GATA2: variants seen among roughly 807,000 people sequenced by gnomAD.
GATA2 encodes GATA binding protein 2.
Under a neutral mutation model 35.7 loss-of-function variants are expected in GATA2, and 6 were observed. That is an observed-to-expected ratio of 0.17 (90% CI 0.09 to 0.33). GATA2 has a LOEUF of 0.33. Among genes scored for constraint, GATA2 ranks in the 10% least tolerant of loss-of-function variants. GATA2 has a pLI of 1.00. For synonymous variants in GATA2, 313 were observed against 274.9 expected (o/e 1.14, Z -1.37); for missense variants, 541 against 656.6 (o/e 0.82, Z 1.92).
intron 1 of GATA2, chr3:128,489,836 G>C (rs893165377): frequency 6.6e-6 from 1 of 152,244 alleles, no homozygotes; most frequent in Non-Finnish European, 1.5e-5. Context: ...AGCCTATTTG[G>C]CGTCTCCGGA....
intron 5 of GATA2, 51 bp from the exon 6 acceptor site, chr3:128,481,369 TTCCTCCCACCCC>T: frequency 6.3e-7 from 1 of 1,582,116 alleles, no homozygotes. Context: ...TCCAGCAACA[TTCCTCCCACCCC>T]GCCACAGCGT....
chr3:128,485,384 C>T (rs190981302), intron 3 of GATA2, among the ~76,000 whole-genome samples: 3 of 152,130 alleles, frequency 2.0e-5, no homozygotes, highest in Non-Finnish European at 4.4e-5. Flanking sequence ...TCACTTCCCT[C>T]GCTTCACATA....
In GATA2 at chr3:128,481,132, G is replaced by A. The variant is rs745601795; in HGVS notation, c.1330C>T (p.Pro444Ser). ...ATGTGTCCGGAGTGGCTGAAGGGCG[G>A]GAGGTGGCCCACAGGTGCCATGTGT... is the stretch of plus-strand genomic sequence containing the variant. ...AGHMAPVGHL[P>S]PFSHSGHILP... Residue 444 changes from proline (P) to serine (S), a missense_variant, in exon 6 of 6, where the codon CCG becomes TCG. Pro to Ser is a moderately conservative substitution (Grantham distance 74). This residue lies in a region of GATA2 where 95 missense variants were observed against 114.0 expected (regional missense o/e 0.83). Transcript: ENST00000341105. 6.2e-7 allele frequency: 1 copy of A among 1,614,250 alleles called. No individual in the cohort carries two copies. The highest frequency in any genetic ancestry group is 1.1e-5 in the South Asian group (1 of 91,086).
rs1553771065 is a variant in GATA2, at chr3:128,486,343, G to A, written c.255C>T (p.Cys85=). 6.2e-7 allele frequency: 1 copy of A among 1,601,878 alleles called. No individual in the cohort carries two copies. Among genetic ancestry groups the A allele is most frequent in the Non-Finnish European group, 8.5e-7 (1 of 1,177,478 alleles). Residue 85 remains cysteine (C), a synonymous_variant, in exon 3 of 6, where the codon TGC becomes TGT. Transcript: ENST00000341105. ...AHARLTGGQM[C]RPHLLHSPGL... is the part of the protein sequence containing the mutation. ...CCGGGCTGTGCAACAAGTGTGGGCG[G>A]CACATCTGGCCTCCGGTCAGGCGGG...
Position 128,480,942 on chromosome 3 carries a change from C to A in GATA2, c.*77G>T. The A allele has an allele frequency of 7.0e-7, 1 of 1,438,828 alleles. No individual in the cohort carries two copies. The highest frequency in any genetic ancestry group is 1.5e-5 in the South Asian group (1 of 68,188). 89.1% of individuals were successfully genotyped at this position (1,438,828 alleles called of 1,614,324 possible). On this transcript the variant is annotated 3_prime_UTR_variant, in exon 6 of 6. Coordinates refer to ENST00000341105, the MANE Select transcript of GATA2 (RefSeq NM_032638.5). ...CCGGGCTGGCAGGAGTGGTGTCGGCCTTCGGGAAATGCTGGGCTGCTAAGG... is the reference window on the plus strand; with the variant it reads ...CCGGGCTGGCAGGAGTGGTGTCGGCATTCGGGAAATGCTGGGCTGCTAAGG...
chr3:128,480,464 C>G lies in GATA2; in HGVS notation c.*555G>C. 8.3e-6 allele frequency: 2 copies of G among 239,678 alleles called. No homozygotes were observed. The highest frequency in any genetic ancestry group is 8.2e-6 in the Non-Finnish European group (1 of 122,438). 14.8% of individuals were successfully genotyped at this position (239,678 alleles called of 1,614,324 possible). On this transcript the variant is annotated 3_prime_UTR_variant, in exon 6 of 6. Transcript: ENST00000341105. ...GTCAAAGCAGGCACCAGCTCACCCT[C>G]CCTGGGCCGTGGCCACTCTGGCTTT...
At chr3:128,482,881 C>A (rs537912882) in intron 4 of GATA2, among the ~76,000 whole-genome samples, 1 of 152,324 alleles carries the variant, frequency 6.6e-6, no homozygotes, top group Non-Finnish European at 1.5e-5. Flanking sequence ...GAACTGCAGG[C>A]GGGAGTGCAC....
rs973687187 is a variant in GATA2 at position 128,493,175 on chromosome 3, T to G, written c.-322A>C. On this transcript the variant is annotated 5_prime_UTR_variant, in exon 1 of 6. Coordinates refer to ENST00000341105, the MANE Select transcript of GATA2 (RefSeq NM_032638.5). The stretch of plus-strand genomic sequence containing the variant: ...CGGGGCGACGCTGGCCTCGCTACCT[T>G]CCTGGCGCTCACGCTGCCTCTCTCT... 6.6e-6 allele frequency: 1 copy of G among 151,260 alleles called. No individual in the cohort carries two copies. Among genetic ancestry groups the G allele is most frequent in the South Asian group, 2.1e-4 (1 of 4,774 alleles). The allele number at this position is 151,260 out of a possible 1,614,324, so 9.4% of individuals were successfully genotyped here.
At chr3:128,482,165 T>TTAG in intron 4 of GATA2, 1 of 622,882 alleles carries the variant, frequency 1.6e-6, no homozygotes, top group Non-Finnish European at 2.8e-6. Context: ...AAGCCTGATG[T>TTAG]TAGAATCAAC....
chr3:128,484,335 G>A (rs375840024), intron 3 of GATA2, among the ~76,000 whole-genome samples: 2 of 152,328 alleles, frequency 1.3e-5, no homozygotes, highest in South Asian at 4.1e-4. Context: ...TTTGCCGAGG[G>A]TAGGGTGGTG....
rs1369741436 is a variant in GATA2, at chr3:128,482,186, G to A, written c.1018-242C>T. On this transcript the variant is annotated intron_variant, in intron 4 of 5. Transcript: ENST00000341105. ...GATGTTAGAATCAACGGGATTGCAA[G>A]AGCTACAGAGGAGAATTAGCTACCT... 1.2e-5 allele frequency: 7 copies of A among 566,200 alleles called. No individual in the cohort carries two copies. The Admixed American group carries it at 2.2e-4, about 18-fold the overall frequency. 35.1% of individuals were successfully genotyped at this position (566,200 alleles called of 1,614,324 possible).
intron 3 of GATA2, among the ~76,000 whole-genome samples, chr3:128,484,881 T>C (rs2068675079): frequency 6.6e-6 from 1 of 152,294 alleles, no homozygotes; most frequent in Non-Finnish European, 1.5e-5. Flanking sequence ...TTAAACTAAA[T>C]GAGGAGTACA....
rs770215567 is a variant in GATA2, at chr3:128,486,114, T to G, written c.484A>C (p.Thr162Pro). 1.2e-6 allele frequency: 2 copies of G among 1,612,376 alleles called. No individual in the cohort carries two copies. Among genetic ancestry groups the G allele is most frequent in the South Asian group, 1.1e-5 (1 of 90,726 alleles). Residue 162 changes from threonine (T) to proline (P), a missense_variant, in exon 3 of 6, where the codon ACA (threonine) becomes CCA (proline). This residue lies in a region of GATA2 where 389 missense variants were observed against 396.9 expected (regional missense o/e 0.98). Coordinates refer to ENST00000341105, the MANE Select transcript of GATA2 (RefSeq NM_032638.5). Reference sequence around the variant, plus strand: ...AGGTGGGAGCCAGAGTGGGCTGCTGTAGGGGTGAGGGAGGCCACTGAGCTC... The same window carrying G: ...AGGTGGGAGCCAGAGTGGGCTGCTGGAGGGGTGAGGGAGGCCACTGAGCTC... ...SGSSVASLTP[T>P]AAHSGSHLFG... is the part of the protein sequence containing the mutation.
At position 128,486,909 on chromosome 3, in the gene GATA2, A is replaced by C. The variant is rs1022734850; in HGVS notation, c.123T>G (p.Pro41=). ...TGAAGAAGACGTCCACCTCGTCTGGAGGCAGCAGCTGCGCGGGTTCCATGT... is the reference window on the plus strand; with the variant it reads ...TGAAGAAGACGTCCACCTCGTCTGGCGGCAGCAGCTGCGCGGGTTCCATGT... ...HNYMEPAQLL[P]PDEVDVFFNH... The change falls in exon 2 of 6, where the codon CCT becomes CCG. Residue 41 remains proline, a synonymous_variant. Transcript: ENST00000341105. 2 of 1,612,856 alleles carry C rather than the reference A, an allele frequency of 1.2e-6. No individual in the cohort carries two copies. Among genetic ancestry groups the C allele is most frequent in the Non-Finnish European group, 1.7e-6 (2 of 1,179,586 alleles).
chr3:128,490,301 C>G (rs765744735), intron 1 of GATA2: 5 of 152,300 alleles, frequency 3.3e-5, no homozygotes, highest in Non-Finnish European at 7.3e-5. Context: ...TTTAATTACC[C>G]CGCTCGGCAG....
chr3:128,485,907 G>A lies in GATA2; in HGVS notation c.691C>T (p.Pro231Ser). 6.2e-7 allele frequency: 1 copy of A among 1,614,124 alleles called. No homozygotes were observed. The highest frequency in any genetic ancestry group is 8.5e-7 in the Non-Finnish European group (1 of 1,179,996). Residue 231 changes from proline (P) to serine (S), a missense_variant, in exon 3 of 6, where the codon CCA becomes TCA. By Grantham distance (74) the Pro-to-Ser change is moderately conservative. This residue lies in a region of GATA2 where 389 missense variants were observed against 396.9 expected (regional missense o/e 0.98). Coordinates refer to ENST00000341105, the MANE Select transcript of GATA2 (RefSeq NM_032638.5). ...MKMESGSPLR[P>S]GLATMGTQPA... ...TGGGTGCCCATAGTAGCTAGGCCTG[G>A]GCGCAGGGGACTGCCACTTTCCATC...
chr3:128,493,157 AC>A lies in GATA2; in HGVS notation c.-305del, dbSNP rs2068798723. Reference sequence around the variant, plus strand: ...GACTTGAGCAGCGAGTCCCGGGGCGACGCTGGCCTCGCTACCTTCCTGGCGC... The same window carrying A: ...GACTTGAGCAGCGAGTCCCGGGGCGAGCTGGCCTCGCTACCTTCCTGGCGC... On this transcript the variant is annotated 5_prime_UTR_variant, in exon 1 of 6. Coordinates refer to ENST00000341105, the MANE Select transcript of GATA2 (RefSeq NM_032638.5). 2 of 151,934 alleles carry A rather than the reference AC, an allele frequency of 1.3e-5. No individual in the cohort carries two copies. Among genetic ancestry groups the A allele is most frequent in the Admixed American group, 6.5e-5 (1 of 15,282 alleles). The allele number at this position is 151,934 out of a possible 1,614,324, so 9.4% of individuals were successfully genotyped here.
In GATA2 at chr3:128,481,257, T is replaced by C. The variant is rs375927513; in HGVS notation, c.1205A>G (p.Asn402Ser). The C allele has an allele frequency of 1.2e-6, 2 of 1,614,240 alleles. No individual in the cohort carries two copies. Among genetic ancestry groups the C allele is most frequent in the Admixed American group, 1.7e-5 (1 of 60,032 alleles). The change falls in exon 6 of 6, where the codon AAC becomes AGC. Residue 402 changes from asparagine (N) to serine (S), a missense_variant. Coordinates refer to ENST00000341105, the MANE Select transcript of GATA2 (RefSeq NM_032638.5). ...GIQTRNRKMS[N>S]KSKKSKKGAE... ...CCCTTTCTTGCTCTTCTTGGACTTG[T>C]TGGACATCTTCCGGTTCCGAGTCTG...
rs2068731423 is a variant in GATA2 at position 128,488,156 on chromosome 3, C to T, written c.-45-1080G>A. Among the ~76,000 whole-genome samples the T allele has an allele frequency of 6.6e-6, 1 of 152,122 alleles. No individual in the cohort carries two copies. Among genetic ancestry groups the T allele is most frequent in the Admixed American group, 6.5e-5 (1 of 15,284 alleles). ...CCACTAAGGGACCCTCACCCCAAGG[C>T]CCGACCCCTGCAGCCCCTCTTGCGA... is the stretch of plus-strand genomic sequence containing the variant. On this transcript the variant is annotated intron_variant, in intron 1 of 5. Transcript: ENST00000341105. The surrounding 1 kb of genome is among the most constrained non-coding windows in gnomAD (Gnocchi z 5.8).
Sources: gnomAD v4.1 joint callset for allele counts (sites outside exome capture counted in the v4.1 genomes callset) on GRCh38, gnomAD v4.1.1 for gene constraint, gnomAD v4.1.1 regional missense constraint, Gnocchi (gnomAD v3.1) non-coding constraint, MANE v1.5 for transcripts, NCBI Gene and HGNC (gene_info 2026-07-23, HGNC 2026-07-21) for gene names.